Variants in STK32C observed in about 807,000 individuals in gnomAD.
The protein encoded by STK32C is serine/threonine kinase 32C.
A neutral mutation model predicts 56.5 loss-of-function variants in STK32C; 31 were observed. That is an observed-to-expected ratio of 0.55 (90% CI 0.41 to 0.74). The LOEUF is 0.74. Among genes scored for constraint, STK32C ranks in the 30% least tolerant of loss-of-function variants. The pLI is 0.00. For missense variants in STK32C, 544 were observed against 676.9 expected (o/e 0.80, Z 2.18); for synonymous variants, 309 against 289.4 (o/e 1.07, Z -0.69).
chr10:132,230,625 TG>T (rs1263927731), intron 2 of STK32C, among the ~76,000 whole-genome samples: 7 of 130,572 alleles, frequency 5.4e-5, no homozygotes, highest in African/African-American at 8.7e-5. Context: ...CTCAGGAGCC[TG>T]GCTTGGGGCC....
intron 1 of STK32C, among the ~76,000 whole-genome samples, chr10:132,327,754 G>A (rs1454079570): frequency 6.6e-6 from 1 of 152,132 alleles, no homozygotes; most frequent in East Asian, 1.9e-4. Context: ...TGGGATTACA[G>A]GTGTGAGCCA....
chr10:132,279,787 A>T (rs1259129757), intron 1 of STK32C, among the ~76,000 whole-genome samples: 1 of 148,452 alleles, frequency 6.7e-6, no homozygotes, highest in African/African-American at 2.5e-5. Flanking sequence ...GTACTCGGTG[A>T]TCACACCCCT....
chr10:132,280,871 AC>A (rs1374155732), intron 1 of STK32C, among the ~76,000 whole-genome samples: 2 of 144,160 alleles, frequency 1.4e-5, no homozygotes, highest in Non-Finnish European at 3.0e-5. Context: ...CCATGCCGTG[AC>A]CACGCCCCTG....
chr10:132,254,037 C>T (rs573211902), intron 1 of STK32C, among the ~76,000 whole-genome samples: 5 of 152,330 alleles, frequency 3.3e-5, no homozygotes, highest in East Asian at 1.9e-4. Flanking sequence ...AGGCAGGGCG[C>T]GGTGGCTCAT....
chr10:132,228,646 C>T (rs540433429), intron 2 of STK32C, among the ~76,000 whole-genome samples: 7 of 152,386 alleles, frequency 4.6e-5, no homozygotes, highest in African/African-American at 4.8e-5. Flanking sequence ...TAAACCCCAA[C>T]ATCCTTTTCC....
At chr10:132,223,783 C>T (rs2062772080) in intron 8 of STK32C, among the ~76,000 whole-genome samples, 1 of 152,212 alleles carries the variant, frequency 6.6e-6, no homozygotes. Flanking sequence ...CCCTGTCCTG[C>T]CTGGGCCTGG....
chr10:132,255,430 T>C lies in STK32C; in HGVS notation c.263-9475A>G, dbSNP rs1180723446. Among the ~76,000 whole-genome samples the C allele has an allele frequency of 6.6e-6, 1 of 152,048 alleles. No homozygotes were observed. Among genetic ancestry groups the C allele is most frequent in the Non-Finnish European group, 1.5e-5 (1 of 67,996 alleles). ...ATCACCTCACAGACCCCTCACCCTC[T>C]TGCCATGGCCTGCGGGAACAAAGAC... On this transcript the variant is annotated intron_variant, in intron 1 of 11. Coordinates refer to ENST00000298630, the MANE Select transcript of STK32C (RefSeq NM_173575.4). This position sits in a 1 kb window ranked among gnomAD's most constrained non-coding sequence, Gnocchi z 4.6.
rs1306918494 is a variant in STK32C at position 132,228,137 on chromosome 10, C to A, written c.319-9G>T. 1 of 1,613,950 alleles carries A rather than the reference C, an allele frequency of 6.2e-7. No homozygotes were observed. The highest frequency in any genetic ancestry group is 8.5e-7 in the Non-Finnish European group (1 of 1,180,034). ...TTCTGCACAATGCACACCTGGAGGG[C>A]ACAGGGCTGTTCGGCAGGACGCCTG... On this transcript the variant is annotated splice_polypyrimidine_tract_variant and intron_variant, in intron 2 of 11. Transcript: ENST00000298630.
chr10:132,214,184 A>G (rs1219821716), intron 10 of STK32C, among the ~76,000 whole-genome samples: 2 of 151,906 alleles, frequency 1.3e-5, no homozygotes, highest in African/African-American at 4.8e-5. Context: ...AGCAGAATGA[A>G]TATTAAAAAA....
chr10:132,318,912 T>C (rs934251809), intron 1 of STK32C, among the ~76,000 whole-genome samples: 2 of 152,022 alleles, frequency 1.3e-5, no homozygotes, highest in African/African-American at 4.8e-5. Context: ...GTGGCAGAAC[T>C]GGAGTCCATA....
chr10:132,331,980 G>T (rs1288947147), upstream of STK32C: 1 of 433,478 alleles, frequency 2.3e-6, no homozygotes, highest in Non-Finnish European at 3.9e-6. Context: ...CCCCCTCCCG[G>T]GCAGGCGCAC....
intron 1 of STK32C, among the ~76,000 whole-genome samples, chr10:132,270,223 T>G (rs2064771265): frequency 6.6e-6 from 1 of 152,218 alleles, no homozygotes; most frequent in Non-Finnish European, 1.5e-5. Context: ...GTGATTCACC[T>G]TATGTGGCAA....
At chr10:132,229,969 G>A (rs1036357656) in intron 2 of STK32C, among the ~76,000 whole-genome samples, 6 of 152,212 alleles carry the variant, frequency 3.9e-5, no homozygotes, top group African/African-American at 9.7e-5. Flanking sequence ...CTCCCTGCCC[G>A]GTGGGAGGGG....
rs1275706431 is a variant in STK32C, at chr10:132,307,837, C to T, written c.-4G>A. The stretch of plus-strand genomic sequence containing the variant: ...TGCGCTCGGCGCCACTCCTCATCGC[C>T]GGGTCTGGGTGCGCGCGGCAGCCGG... On this transcript the variant is annotated 5_prime_UTR_variant, in exon 1 of 12. Transcript: ENST00000298630. This position sits in a 1 kb window ranked among gnomAD's most constrained non-coding sequence, Gnocchi z 4.4. 40 of 1,129,240 alleles carry T rather than the reference C, an allele frequency of 3.5e-5. No individual in the cohort carries two copies. The highest frequency in any genetic ancestry group is 3.4e-5 in the Non-Finnish European group (31 of 916,402). 70.0% of individuals were successfully genotyped at this position (1,129,240 alleles called of 1,614,324 possible). A position where few individuals can be genotyped will look rare whatever the true frequency, so the allele number is the denominator to read the frequency against.
chr10:132,210,875 ACT>A (rs1340735903), intron 10 of STK32C, among the ~76,000 whole-genome samples: 2 of 151,584 alleles, frequency 1.3e-5, no homozygotes, highest in Non-Finnish European at 2.9e-5. Context: ...GGGAATGTGG[ACT>A]CTCTCTTCCT....
chr10:132,295,546 A>G (rs1463203930), intron 1 of STK32C, among the ~76,000 whole-genome samples: 1 of 152,246 alleles, frequency 6.6e-6, no homozygotes, highest in African/African-American at 2.4e-5. Flanking sequence ...CAGTGATATC[A>G]ATGACGGGGT....
chr10:132,253,692 G>A (rs984312900), intron 1 of STK32C, among the ~76,000 whole-genome samples: 8 of 152,160 alleles, frequency 5.3e-5, no homozygotes, highest in African/African-American at 1.9e-4. Context: ...GGAGCTGAGG[G>A]AGCTGAGGGA....
intron 10 of STK32C, among the ~76,000 whole-genome samples, chr10:132,219,149 C>T (rs2062557354): frequency 6.6e-6 from 1 of 152,158 alleles, no homozygotes; most frequent in Non-Finnish European, 1.5e-5. Context: ...AGCCCTGTGA[C>T]TATATTAAAA....
At chr10:132,315,671 G>A (rs929398810) in intron 1 of STK32C, among the ~76,000 whole-genome samples, 13 of 152,140 alleles carry the variant, frequency 8.5e-5, no homozygotes, top group Admixed American at 3.3e-4. Flanking sequence ...ACACACATAC[G>A]CAATTACTAA....
Sources: allele counts gnomAD v4.1 joint callset (sites outside exome capture counted in the v4.1 genomes callset), GRCh38; gene constraint gnomAD v4.1.1; non-coding constraint Gnocchi (gnomAD v3.1); transcripts MANE v1.5; gene names NCBI Gene and HGNC (gene_info 2026-07-23, HGNC 2026-07-21).